The following ANAPC10 variants were observed in gnomAD, a reference collection of about 807,000 sequenced individuals.
ANAPC10 encodes the protein anaphase-promoting complex subunit 10.
Under a neutral mutation model 22.0 loss-of-function variants are expected in ANAPC10, and 12 were observed. The observed-to-expected ratio is 0.55, with a 90% CI of 0.35 to 0.88. The LOEUF (loss-of-function observed/expected upper bound fraction) is 0.88, where lower values mean the gene tolerates loss of function less well. Ranked by LOEUF, ANAPC10 falls within the 40% of genes least tolerant of loss-of-function variation. The pLI is 0.01. For synonymous variants in ANAPC10, 65 were observed against 69.5 expected, an observed-to-expected ratio of 0.94 and a Z score of 0.32; for missense variants, 188 against 220.9, an observed-to-expected ratio of 0.85 and a Z score of 0.94.
At chr4:145,095,645 A>G (rs1017806011) in intron 2 of ANAPC10, among the ~76,000 whole-genome samples, 3 of 152,148 alleles carry the variant, frequency 2.0e-5, no homozygotes, top group Non-Finnish European at 4.4e-5. Flanking sequence ...TATCTCTCAC[A>G]TCATCGCAGG....
At chr4:145,021,675 T>A (rs1312672679) in intron 4 of ANAPC10, among the ~76,000 whole-genome samples, 8 of 152,122 alleles carry the variant, frequency 5.3e-5, no homozygotes, top group Non-Finnish European at 2.9e-5. Flanking sequence ...GATAAATTGC[T>A]AGGACTTAAT....
intron 4 of ANAPC10, among the ~76,000 whole-genome samples, chr4:145,016,402 C>A (rs571756751): frequency 2.0e-5 from 3 of 152,226 alleles, no homozygotes; most frequent in African/African-American, 4.8e-5. Context: ...ACCTAGGAAT[C>A]CAACTTACAA....
intron 4 of ANAPC10, among the ~76,000 whole-genome samples, chr4:145,016,038 C>T (rs1057236183): frequency 7.9e-5 from 12 of 152,184 alleles, no homozygotes; most frequent in African/African-American, 2.9e-4. Context: ...AAACTGGAAG[C>T]ATTCCCTTTG....
intron 2 of ANAPC10, among the ~76,000 whole-genome samples, chr4:145,085,847 T>C (rs1746808476): frequency 6.6e-6 from 1 of 151,928 alleles, no homozygotes; most frequent in South Asian, 2.1e-4. Context: ...CCACTCAGTA[T>C]TGTATTTGAA....
intron 4 of ANAPC10, among the ~76,000 whole-genome samples, chr4:145,041,749 A>G (rs1252282448): frequency 1.3e-5 from 2 of 152,342 alleles, no homozygotes; most frequent in Non-Finnish European, 2.9e-5. Flanking sequence ...AAATTTAATA[A>G]CTGGTTCCAG....
chr4:144,999,472 C>G (rs549324109), intron 4 of ANAPC10, among the ~76,000 whole-genome samples: 1 of 152,186 alleles, frequency 6.6e-6, no homozygotes, highest in East Asian at 1.9e-4. Flanking sequence ...AGGAATACAA[C>G]TTACAAGGGA....
chr4:145,046,407 TA>T, intron 4 of ANAPC10, among the ~76,000 whole-genome samples: 1 of 152,246 alleles, frequency 6.6e-6, no homozygotes, highest in African/African-American at 2.4e-5. Flanking sequence ...TTTACTTTTT[TA>T]AATATAACAA....
At chr4:145,021,081 T>C (rs1267382593) in intron 4 of ANAPC10, among the ~76,000 whole-genome samples, 5 of 149,828 alleles carry the variant, frequency 3.3e-5, no homozygotes, top group Non-Finnish European at 5.9e-5. Flanking sequence ...GAATCAAAAT[T>C]GTGAAAATGA....
In ANAPC10 at chr4:144,995,083, C is replaced by G; in HGVS notation, c.*290G>C. 1 of 211,864 alleles carries G rather than the reference C, an allele frequency of 4.7e-6. No individual in the cohort carries two copies. Among genetic ancestry groups the G allele is most frequent in the South Asian group, 9.9e-5 (1 of 10,072 alleles). The allele number at this position is 211,864 out of a possible 1,614,324, so 13.1% of individuals were successfully genotyped here. A position where few individuals can be genotyped will look rare whatever the true frequency, so the allele number is the denominator to read the frequency against. ...TGTGTATATACTGAAATTTTCAGTT[C>G]AACTCTTTTCTTTTGATACAAGGAA... On this transcript the variant is annotated 3_prime_UTR_variant, in exon 5 of 5. Coordinates refer to ENST00000507656, the MANE Select transcript of ANAPC10 (RefSeq NM_001256706.2).
At chr4:145,008,587 A>G (rs908186578) in intron 4 of ANAPC10, among the ~76,000 whole-genome samples, 6 of 152,240 alleles carry the variant, frequency 3.9e-5, no homozygotes, top group African/African-American at 1.4e-4. Context: ...GACAAAAACC[A>G]CATGATTTTC....
rs529585416 is a variant in ANAPC10 at position 145,031,423 on chromosome 4, A to C, written c.327+33149T>G. On this transcript the variant is annotated intron_variant, in intron 4 of 4. Transcript: ENST00000507656. ...TGGGTCTTGTTAAGATATTCCTTCT[A>C]AGGTGAAGGATAAGTTGCTGCATTT... Among the ~76,000 whole-genome samples the C allele has an allele frequency of 4.6e-5, 7 of 152,298 alleles. 1 individual carries two copies. In the South Asian group the frequency reaches 1.5e-3, roughly 32 times the overall value.
intron 3 of ANAPC10, 120 bp from the exon 4 acceptor site, chr4:145,064,812 C>A: frequency 1.2e-6 from 1 of 843,034 alleles, no homozygotes; most frequent in Non-Finnish European, 1.7e-6. Flanking sequence ...TCAACATTTT[C>A]ATATCTTTTA....
At chr4:145,025,357 C>A (rs1040987398) in intron 4 of ANAPC10, among the ~76,000 whole-genome samples, 3 of 143,000 alleles carry the variant, frequency 2.1e-5, no homozygotes, top group African/African-American at 7.6e-5. Flanking sequence ...TAAGCTCAGT[C>A]CTTTCTAGCT....
At chr4:145,096,549 A>G (rs1340150451) in intron 1 of ANAPC10, among the ~76,000 whole-genome samples, 1 of 152,108 alleles carries the variant, frequency 6.6e-6, no homozygotes. Flanking sequence ...TCTGGGCTTT[A>G]TTTCCTCTCC....
intron 2 of ANAPC10, among the ~76,000 whole-genome samples, chr4:145,095,545 T>C (rs1289695882): frequency 2.6e-5 from 4 of 152,166 alleles, no homozygotes; most frequent in Non-Finnish European, 4.4e-5. Flanking sequence ...CTCCTCCTTC[T>C]GAAGTATTGT....
chr4:145,034,890 G>T (rs1322939640), intron 4 of ANAPC10, among the ~76,000 whole-genome samples: 1 of 152,096 alleles, frequency 6.6e-6, no homozygotes, highest in Admixed American at 6.6e-5. Context: ...GACTGGGTCA[G>T]AATGTGGGAA....
chr4:145,018,336 T>G (rs530049463), intron 4 of ANAPC10, among the ~76,000 whole-genome samples: 2 of 152,118 alleles, frequency 1.3e-5, no homozygotes, highest in Admixed American at 6.6e-5. Context: ...ACAGAATGGA[T>G]AAGCATTCAC....
In ANAPC10 at chr4:145,073,539, A is replaced by G. The variant is rs1744780308; in HGVS notation, c.206+8121T>C. On this transcript the variant is annotated intron_variant, in intron 3 of 4. Coordinates refer to ENST00000507656, the MANE Select transcript of ANAPC10 (RefSeq NM_001256706.2). ...AATTTACATCCATACATATATTGGT[A>G]TTAAAGTATATATAGGATTTTATTA... Among the ~76,000 whole-genome samples, 3 of 152,290 alleles carry G rather than the reference A, an allele frequency of 2.0e-5. No individual in the cohort carries two copies. The South Asian group carries it at 6.2e-4, about 32-fold the overall frequency.
At chr4:144,998,993 C>T (rs997987518) in intron 4 of ANAPC10, among the ~76,000 whole-genome samples, 8 of 152,016 alleles carry the variant, frequency 5.3e-5, no homozygotes, top group Non-Finnish European at 7.4e-5. Context: ...AACACCTCTA[C>T]GCAAATAAAC....
Sources: gnomAD v4.1 joint callset for allele counts (sites outside exome capture counted in the v4.1 genomes callset) on GRCh38, gnomAD v4.1.1 for gene constraint, MANE v1.5 for transcripts, NCBI Gene and HGNC (gene_info 2026-07-23, HGNC 2026-07-21) for gene names.